Variants in NRXN3 observed in about 807,000 individuals in gnomAD.
The protein encoded by NRXN3 is neurexin III.
Under a neutral mutation model 137.6 loss-of-function variants are expected in NRXN3, and 32 were observed. That is an observed-to-expected ratio of 0.23 (90% confidence interval 0.18 to 0.31). The LOEUF (loss-of-function observed/expected upper bound fraction) is 0.31, where lower values mean the gene tolerates loss of function less well. Among genes scored for constraint, NRXN3 ranks in the 10% least tolerant of loss-of-function variants. The pLI is 1.00. For synonymous variants in NRXN3, 798 were observed against 784.5 expected (o/e 1.02, Z -0.29); for missense variants, 1,574 against 2,062.5 (o/e 0.76, Z 4.59).
At chr14:79,073,495 G>T (rs1011159194) in intron 15 of NRXN3, among the ~76,000 whole-genome samples, 9 of 152,114 alleles carry the variant, frequency 5.9e-5, no homozygotes, top group African/African-American at 2.2e-4. Context: ...TGCTTGATGT[G>T]AATAAAATCA....
At chr14:79,292,765 A>G (rs986998909) in intron 15 of NRXN3, among the ~76,000 whole-genome samples, 12 of 152,204 alleles carry the variant, frequency 7.9e-5, no homozygotes, top group African/African-American at 2.4e-4. Flanking sequence ...ATGTAGGTAA[A>G]TGTGTGAACC....
chr14:79,063,692 T>A (rs538706798), intron 15 of NRXN3, among the ~76,000 whole-genome samples: 1 of 152,288 alleles, frequency 6.6e-6, no homozygotes, highest in South Asian at 2.1e-4. Flanking sequence ...AGTTATGCCA[T>A]TTTTTAATAC....
chr14:78,306,316 GATCT>G (rs1348653000), intron 4 of NRXN3, among the ~76,000 whole-genome samples: 2 of 152,082 alleles, frequency 1.3e-5, no homozygotes, highest in East Asian at 3.8e-4. Flanking sequence ...TATGAATAAT[GATCT>G]ATCTGTTTGT....
intron 4 of NRXN3, among the ~76,000 whole-genome samples, chr14:78,561,357 A>G (rs905338213): frequency 2.6e-5 from 4 of 152,244 alleles, no homozygotes; most frequent in African/African-American, 9.6e-5. Flanking sequence ...AATAACATAT[A>G]CCACAGTTTC....
chr14:78,909,671 G>T (rs1470207371), intron 10 of NRXN3, among the ~76,000 whole-genome samples: 1 of 152,040 alleles, frequency 6.6e-6, no homozygotes, highest in East Asian at 1.9e-4. Context: ...TAATGTAGAA[G>T]AGATTACATT....
intron 10 of NRXN3, among the ~76,000 whole-genome samples, chr14:78,944,637 A>G (rs1316893068): frequency 1.3e-5 from 2 of 152,226 alleles, no homozygotes; most frequent in Non-Finnish European, 2.9e-5. Context: ...TCTGTAAGCC[A>G]AGGAATATCA....
intron 15 of NRXN3, among the ~76,000 whole-genome samples, chr14:79,323,022 C>T (rs1234271532): frequency 2.6e-5 from 4 of 152,128 alleles, no homozygotes; most frequent in African/African-American, 9.7e-5. Context: ...GCAATACATA[C>T]ACTGAATGGT....
chr14:79,481,708 T>C (rs2096610310), intron 16 of NRXN3, among the ~76,000 whole-genome samples: 1 of 152,222 alleles, frequency 6.6e-6, no homozygotes, highest in Non-Finnish European at 1.5e-5. Context: ...TTAATACATG[T>C]AGAGCTGGCT....
intron 1 of NRXN3, among the ~76,000 whole-genome samples, chr14:78,199,329 C>G (rs1242543484): frequency 6.6e-6 from 1 of 152,152 alleles, no homozygotes; most frequent in Non-Finnish European, 1.5e-5. Flanking sequence ...ACCCAACACA[C>G]AGCCTTAGAC....
chr14:79,316,763 T>TCTCTCTCTCTCTC (rs57068857), intron 15 of NRXN3, among the ~76,000 whole-genome samples: 1 of 148,732 alleles, frequency 6.7e-6, no homozygotes, highest in African/African-American at 2.5e-5. Flanking sequence ...TCTCTCTCTC[T>TCTCTCTCTCTCTC]ATTGAATTCT....
At chr14:78,719,594 C>A (rs551751531) in intron 8 of NRXN3, among the ~76,000 whole-genome samples, 2 of 152,218 alleles carry the variant, frequency 1.3e-5, no homozygotes, top group African/African-American at 4.8e-5. Flanking sequence ...GTAATCCCAG[C>A]ACTTTGGGAG....
intron 1 of NRXN3, among the ~76,000 whole-genome samples, chr14:78,191,666 G>A (rs990871807): frequency 2.6e-5 from 4 of 152,144 alleles, no homozygotes; most frequent in African/African-American, 9.7e-5. Context: ...ACATGTCTAG[G>A]GCTGGTGTGA....
intron 16 of NRXN3, among the ~76,000 whole-genome samples, chr14:79,530,317 C>A (rs1258005447): frequency 6.6e-6 from 1 of 152,060 alleles, no homozygotes; most frequent in African/African-American, 2.4e-5. Context: ...AGCAAAATGA[C>A]ACTCTATATA....
chr14:78,501,099 A>G (rs1035729447), intron 4 of NRXN3, among the ~76,000 whole-genome samples: 33 of 152,132 alleles, frequency 2.2e-4, no homozygotes, highest in Non-Finnish European at 4.9e-4. Flanking sequence ...AAGGCAGTTT[A>G]TGTTAGTTAT....
intron 4 of NRXN3, among the ~76,000 whole-genome samples, chr14:78,476,031 G>A (rs1475133527): frequency 2.0e-5 from 3 of 152,188 alleles, no homozygotes; most frequent in African/African-American, 7.2e-5. Context: ...TAAAGCAAGG[G>A]AGGGGAATAC....
At chr14:78,494,418 G>A (rs1055757815) in intron 4 of NRXN3, among the ~76,000 whole-genome samples, 1 of 108,796 alleles carries the variant, frequency 9.2e-6, no homozygotes, top group African/African-American at 2.9e-5. Context: ...TCCTACCAGA[G>A]GTGTTTTGTT....
At chr14:79,327,192 G>A (rs1386741220) in intron 15 of NRXN3, among the ~76,000 whole-genome samples, 1 of 152,152 alleles carries the variant, frequency 6.6e-6, no homozygotes, top group Non-Finnish European at 1.5e-5. Flanking sequence ...GGCTCCTTAT[G>A]TTCAGAGAAT....
intron 15 of NRXN3, among the ~76,000 whole-genome samples, chr14:79,132,443 T>A (rs1396889530): frequency 6.6e-6 from 1 of 152,230 alleles, no homozygotes; most frequent in African/African-American, 2.4e-5. Context: ...CATTTACAAT[T>A]TTAAATTTTG....
At chr14:79,023,701 T>G (rs376146646) in intron 15 of NRXN3, among the ~76,000 whole-genome samples, 2 of 152,070 alleles carry the variant, frequency 1.3e-5, no homozygotes, top group African/African-American at 4.8e-5. Context: ...GAAGGAGAAG[T>G]GCCGAGCAAA....
Sources: gnomAD v4.1 joint callset for allele counts (sites outside exome capture counted in the v4.1 genomes callset) on GRCh38, gnomAD v4.1.1 for gene constraint, MANE v1.5 for transcripts, NCBI Gene and HGNC (gene_info 2026-07-23, HGNC 2026-07-21) for gene names.